The following CSMD1 variants were observed in gnomAD, a reference collection of about 807,000 sequenced individuals.
CSMD1 encodes the protein CUB and sushi domain-containing protein 1.
In CSMD1, 213 loss-of-function variants were observed where a neutral mutation model predicts 417.5. The ratio of observed to expected loss-of-function variants is 0.51; its 90% CI spans 0.46 to 0.57. The LOEUF (loss-of-function observed/expected upper bound fraction) is 0.57, where lower values mean the gene tolerates loss of function less well. Among genes scored for constraint, CSMD1 ranks in the 20% least tolerant of loss-of-function variants. CSMD1 has a pLI of 0.00. For synonymous variants in CSMD1, 2,862 were observed against 1,736.8 expected (o/e 1.65, Z -16.11); for missense variants, 6,923 against 4,529.7 (o/e 1.53, Z -15.17).
chr8:4,879,187 C>G (rs557218203), intron 1 of CSMD1, among the ~76,000 whole-genome samples: 6 of 152,082 alleles, frequency 3.9e-5, no homozygotes, highest in African/African-American at 1.4e-4. Flanking sequence ...TAGGCAGGCA[C>G]AGAGAGACAG....
chr8:4,851,769 GA>G (rs1168325389), intron 1 of CSMD1, among the ~76,000 whole-genome samples: 1 of 152,178 alleles, frequency 6.6e-6, no homozygotes, highest in Non-Finnish European at 1.5e-5. Context: ...CTATTGAGAT[GA>G]ACGTACTTTT....
chr8:3,300,424 C>A (rs1291933938), intron 25 of CSMD1, among the ~76,000 whole-genome samples: 2 of 151,780 alleles, frequency 1.3e-5, no homozygotes, highest in Non-Finnish European at 2.9e-5. Flanking sequence ...ATAAACCATG[C>A]CAAAGAGCTT....
intron 3 of CSMD1, among the ~76,000 whole-genome samples, chr8:4,105,887 G>A (rs528905517): frequency 1.7e-4 from 26 of 152,302 alleles, no homozygotes; most frequent in African/African-American, 6.3e-4. Context: ...GACACAGCTC[G>A]GCTCTGTGCT....
intron 1 of CSMD1, among the ~76,000 whole-genome samples, chr8:4,959,718 G>A (rs1352284266): frequency 1.3e-5 from 2 of 152,194 alleles, no homozygotes; most frequent in Non-Finnish European, 2.9e-5. Flanking sequence ...TTCACGGAAT[G>A]TCAAAATCCT....
At chr8:4,249,929 G>C (rs536224877) in intron 3 of CSMD1, among the ~76,000 whole-genome samples, 1 of 152,132 alleles carries the variant, frequency 6.6e-6, no homozygotes, top group African/African-American at 2.4e-5. Context: ...GAAGTGTTTA[G>C]GTTATGAGGG....
chr8:4,387,570 CA>C (rs540419006), intron 3 of CSMD1, among the ~76,000 whole-genome samples: 3,412 of 36,972 alleles, frequency 0.092, 127 homozygotes, highest in African/African-American at 0.22. Context: ...TCCAAACTGG[CA>C]AAAAAAAAAA....
chr8:3,094,800 CAA>C (rs33991879), intron 47 of CSMD1, among the ~76,000 whole-genome samples: 31,704 of 105,854 alleles, frequency 0.3, 1,677 homozygotes, highest in South Asian at 0.39. Context: ...GCCCGTCTTA[CAA>C]AAAAAAAAAA....
intron 5 of CSMD1, among the ~76,000 whole-genome samples, chr8:3,948,775 C>G (rs1198630126): frequency 2.0e-5 from 3 of 152,076 alleles, no homozygotes; most frequent in Non-Finnish European, 2.9e-5. Context: ...TTCAATATGA[C>G]TATTACAATC....
At chr8:3,185,465 G>A (rs1438585312) in intron 36 of CSMD1, among the ~76,000 whole-genome samples, 3 of 152,122 alleles carry the variant, frequency 2.0e-5, no homozygotes, top group African/African-American at 2.4e-5. Flanking sequence ...GGTAATGCCT[G>A]CATTTGTGTG....
intron 26 of CSMD1, among the ~76,000 whole-genome samples, chr8:3,283,515 T>C (rs572699691): frequency 6.8e-6 from 1 of 148,132 alleles, no homozygotes; most frequent in South Asian, 2.2e-4. Context: ...TAAAACAAAA[T>C]TTTCCTTTGA....
chr8:2,952,270 T>C (rs11782820), intron 65 of CSMD1, among the ~76,000 whole-genome samples: 122 of 152,130 alleles, frequency 8.0e-4, no homozygotes, highest in Non-Finnish European at 1.1e-3. Flanking sequence ...TGAAGATTCA[T>C]GTCTCCCTAA....
chr8:4,411,991 T>G (rs1324784232), intron 3 of CSMD1, among the ~76,000 whole-genome samples: 7 of 139,212 alleles, frequency 5.0e-5, no homozygotes, highest in Admixed American at 1.4e-4. Context: ...TAGCTAAGGG[T>G]GTGTGTGTGT....
intron 10 of CSMD1, among the ~76,000 whole-genome samples, chr8:3,557,286 G>A (rs984168156): frequency 2.6e-5 from 4 of 152,178 alleles, no homozygotes; most frequent in Non-Finnish European, 4.4e-5. Context: ...GGAGACAGCT[G>A]TACCTATTTT....
At chr8:4,983,704 T>A (rs572067780) in intron 1 of CSMD1, among the ~76,000 whole-genome samples, 3 of 152,130 alleles carry the variant, frequency 2.0e-5, no homozygotes, top group South Asian at 4.1e-4. Context: ...TTTTTTCGTA[T>A]TTTTGGTAGA....
At chr8:4,116,977 C>G (rs1329171062) in intron 3 of CSMD1, among the ~76,000 whole-genome samples, 4 of 151,984 alleles carry the variant, frequency 2.6e-5, no homozygotes, top group Non-Finnish European at 4.4e-5. Context: ...AGAGGCTACA[C>G]CTAGTGACTA....
At chr8:3,862,981 A>G (rs774929759) in intron 5 of CSMD1, among the ~76,000 whole-genome samples, 6 of 152,188 alleles carry the variant, frequency 3.9e-5, no homozygotes, top group African/African-American at 9.7e-5. Context: ...GGAGATTCCA[A>G]TATCAAGGTA....
intron 26 of CSMD1, among the ~76,000 whole-genome samples, chr8:3,249,770 A>T (rs972659120): frequency 6.6e-6 from 1 of 152,200 alleles, no homozygotes; most frequent in African/African-American, 2.4e-5. Context: ...TTTTAAATCT[A>T]ATCAATTTCC....
chr8:3,005,455 C>T (rs1807804535), intron 52 of CSMD1, among the ~76,000 whole-genome samples: 1 of 152,064 alleles, frequency 6.6e-6, no homozygotes, highest in Non-Finnish European at 1.5e-5. Context: ...CAAAGCTGGG[C>T]AGAAACACAA....
intron 1 of CSMD1, among the ~76,000 whole-genome samples, chr8:4,817,160 CAT>C (rs1464440652): frequency 4.6e-5 from 7 of 152,114 alleles, no homozygotes; most frequent in Non-Finnish European, 8.8e-5. Context: ...AATACACACA[CAT>C]GTATACACAC....
Sources: allele counts gnomAD v4.1 joint callset (sites outside exome capture counted in the v4.1 genomes callset), GRCh38; gene constraint gnomAD v4.1.1; transcripts MANE v1.5; gene names NCBI Gene and HGNC (gene_info 2026-07-23, HGNC 2026-07-21).